Variants in HOXB6 observed in about 807,000 individuals in gnomAD.
The protein encoded by HOXB6 is homeobox B6.
Under a neutral mutation model 24.2 loss-of-function variants are expected in HOXB6, and 18 were observed. The ratio of observed to expected loss-of-function variants is 0.74; its 90% CI spans 0.51 to 1.10. The LOEUF (loss-of-function observed/expected upper bound fraction) is 1.10, where lower values mean the gene tolerates loss of function less well. Ranked by LOEUF, HOXB6 falls within the 50% of genes least tolerant of loss-of-function variation. The probability of loss-of-function intolerance (pLI) is 0.00; values close to 1 mark genes in which losing one functional copy is unlikely to be tolerated. For missense variants in HOXB6, 332 were observed against 308.3 expected (o/e 1.08, Z -0.58); for synonymous variants, 159 against 139.1 (o/e 1.14, Z -1.01).
Position 48,601,754 on chromosome 17 carries a change from A to G in HOXB6, c.-79+2726T>C, listed in dbSNP as rs540500965. The stretch of plus-strand genomic sequence containing the variant: ...TAGCCCTCGGCCAGACTCTGGCAAC[A>G]CCTTGGTTTGCCTGGCACCGCAGGC... On this transcript the variant is annotated intron_variant, in intron 2 of 3. Transcript: ENST00000225648. The G allele has an allele frequency of 3.7e-5, 8 of 214,620 alleles. No homozygotes were observed. The South Asian group carries it at 5.1e-4, about 14-fold the overall frequency. 13.3% of individuals were successfully genotyped at this position (214,620 alleles called of 1,614,324 possible). A position where few individuals can be genotyped will look rare whatever the true frequency, so the allele number is the denominator to read the frequency against.
intron 3 of HOXB6, 59 bp downstream of exon 3, chr17:48,597,677 G>C (rs1288634157): frequency 1.0e-5 from 16 of 1,557,144 alleles, no homozygotes; most frequent in African/African-American, 1.4e-5. Flanking sequence ...CACTAGTTCT[G>C]TGTCCCGGGG....
chr17:48,600,480 G>A (rs536086532), intron 2 of HOXB6: 16 of 456,004 alleles, frequency 3.5e-5, no homozygotes, highest in South Asian at 1.7e-4. Flanking sequence ...ACTACAGGCG[G>A]GCCTGGGCGC....
chr17:48,601,742 G>T, intron 2 of HOXB6: 1 of 205,374 alleles, frequency 4.9e-6, no homozygotes, highest in Non-Finnish European at 1.0e-5. Flanking sequence ...CCCTCGGCCA[G>T]ACTCTGGCAA....
In HOXB6 at chr17:48,596,707, T is replaced by C; in HGVS notation, c.416-35A>G. 1 of 1,606,604 alleles carries C rather than the reference T, an allele frequency of 6.2e-7. No individual in the cohort carries two copies. The highest frequency in any genetic ancestry group is 8.5e-7 in the Non-Finnish European group (1 of 1,179,942). On this transcript the variant is annotated intron_variant, in intron 3 of 3. Transcript: ENST00000225648. This position sits in a 1 kb window ranked among gnomAD's most constrained non-coding sequence, Gnocchi z 4.8. ...AGAGTGGAGATGCTGAGGCCTGCGG[T>C]CACCGGGCCCAGGACCCCCTCCCCT...
intron 2 of HOXB6, 122 bp downstream of exon 2, chr17:48,604,358 G>T (rs976343305): frequency 6.6e-6 from 1 of 152,384 alleles, no homozygotes; most frequent in Non-Finnish European, 1.5e-5. Context: ...TCCCTGCAGC[G>T]CCCAGAGGTG....
chr17:48,596,203 G>T lies in HOXB6; in HGVS notation c.*210C>A. On this transcript the variant is annotated 3_prime_UTR_variant, in exon 4 of 4. Coordinates refer to ENST00000225648, the MANE Select transcript of HOXB6 (RefSeq NM_018952.5). This position sits in a 1 kb window ranked among gnomAD's most constrained non-coding sequence, Gnocchi z 4.8. ...CTCGGGAAGGAAGGGCGCGCGGGATGCTGGGTGGGCTCGAGTAGTGAGGCC... is the reference window on the plus strand; with the variant it reads ...CTCGGGAAGGAAGGGCGCGCGGGATTCTGGGTGGGCTCGAGTAGTGAGGCC... 1 of 743,302 alleles carries T rather than the reference G, an allele frequency of 1.3e-6. No homozygotes were observed. Among genetic ancestry groups the T allele is most frequent in the Non-Finnish European group, 2.4e-6 (1 of 420,456 alleles). 46.0% of individuals were successfully genotyped at this position (743,302 alleles called of 1,614,324 possible).
intron 2 of HOXB6, chr17:48,602,218 G>A (rs1158242100): frequency 2.2e-6 from 1 of 456,130 alleles, no homozygotes; most frequent in Non-Finnish European, 4.4e-6. Context: ...AACCAACCAG[G>A]AGAACACAGA....
chr17:48,602,021 C>T, intron 2 of HOXB6: 1 of 441,410 alleles, frequency 2.3e-6, no homozygotes, highest in South Asian at 1.6e-5. Flanking sequence ...CGGTGTGGTT[C>T]CTTAAGGATT....
At chr17:48,600,598 C>T (rs757841728) in intron 2 of HOXB6, 142 of 452,074 alleles carry the variant, frequency 3.1e-4, no homozygotes, top group Admixed American at 6.6e-4. Context: ...AAAGAGCAGG[C>T]GGGCAGGGCA....
In HOXB6 at chr17:48,596,858, C is replaced by A. The variant is rs576238098; in HGVS notation, c.416-186G>T. ...CCCTCCTAGTCTCCTAGGCCTGTGC[C>A]GTCTGTCTAGACTCTAGATGGGGGA... On this transcript the variant is annotated intron_variant, in intron 3 of 3. Transcript: ENST00000225648. The surrounding 1 kb of genome is among the most constrained non-coding windows in gnomAD (Gnocchi z 4.8). The A allele has an allele frequency of 3.2e-6, 4 of 1,265,686 alleles. No homozygotes were observed. Among genetic ancestry groups the A allele is most frequent in the Non-Finnish European group, 4.3e-6 (4 of 926,568 alleles). 78.4% of individuals were successfully genotyped at this position (1,265,686 alleles called of 1,614,324 possible).
chr17:48,596,547 G>A lies in HOXB6; in HGVS notation c.541C>T (p.His181Tyr), dbSNP rs1358045248. The change falls in exon 4 of 4, where the codon CAC becomes TAC. Residue 181 changes from histidine (H) to tyrosine (Y), a missense_variant. Transcript: ENST00000225648. The surrounding 1 kb of genome is among the most constrained non-coding windows in gnomAD (Gnocchi z 4.8). Reference sequence around the variant, plus strand: ...TGCCTCTCCGTCAGGCACAGGGCGTGCGCGATCTCGATGCGCCGCCGCCGC... The same window carrying A: ...TGCCTCTCCGTCAGGCACAGGGCGTACGCGATCTCGATGCGCCGCCGCCGC... ...LTRRRRIEIA[H>Y]ALCLTERQIK... 1.2e-6 allele frequency: 2 copies of A among 1,614,260 alleles called. No homozygotes were observed. Among genetic ancestry groups the A allele is most frequent in the East Asian group, 2.2e-5 (1 of 44,886 alleles).
Position 48,596,586 on chromosome 17 carries a change from T to C in HOXB6, c.502A>G (p.Asn168Asp). 1 of 1,614,230 alleles carries C rather than the reference T, an allele frequency of 6.2e-7. No homozygotes were observed. The highest frequency in any genetic ancestry group is 8.5e-7 in the Non-Finnish European group (1 of 1,180,048). ...TLELEKEFHY[N>D]RYLTRRRRIE... Reference sequence around the variant, plus strand: ...CGCCGCCGCCGCGTCAGGTAGCGATTGTAGTGAAACTCCTTCTCCAGCTCC... The same window carrying C: ...CGCCGCCGCCGCGTCAGGTAGCGATCGTAGTGAAACTCCTTCTCCAGCTCC... Residue 168 changes from asparagine to aspartate, a missense_variant, in exon 4 of 4, where the codon AAT (asparagine) becomes GAT (aspartate). Asn to Asp is a conservative substitution (Grantham distance 23). Transcript: ENST00000225648. This position sits in a 1 kb window ranked among gnomAD's most constrained non-coding sequence, Gnocchi z 4.8.
At chr17:48,599,913 G>A (rs2070417565) in intron 2 of HOXB6, among the ~76,000 whole-genome samples, 1 of 152,170 alleles carries the variant, frequency 6.6e-6, no homozygotes, top group Admixed American at 6.5e-5. Context: ...AGGGAAGGTG[G>A]CAGGGGACTG....
intron 2 of HOXB6, chr17:48,601,949 C>G (rs1025423317): frequency 5.2e-6 from 2 of 382,068 alleles, no homozygotes; most frequent in Non-Finnish European, 1.0e-5. Flanking sequence ...CTGGCCACCC[C>G]CTCTTGGGAA....
chr17:48,600,144 A>G (rs1433492845), intron 2 of HOXB6, among the ~76,000 whole-genome samples: 1 of 152,198 alleles, frequency 6.6e-6, no homozygotes, highest in African/African-American at 2.4e-5. Context: ...TTCCATATCT[A>G]GGTATGGCTG....
chr17:48,600,991 C>CGTGTGTGTGTGTGT (rs58180060), intron 2 of HOXB6, among the ~76,000 whole-genome samples: 88 of 145,762 alleles, frequency 6.0e-4, no homozygotes, highest in African/African-American at 1.9e-3. Flanking sequence ...GGGATATTTG[C>CGTGTGTGTGTGTGT]GTGTGTGTGT....
chr17:48,597,583 C>T (rs1362324921), intron 3 of HOXB6, 153 bp downstream of exon 3: 3 of 805,744 alleles, frequency 3.7e-6, no homozygotes, highest in Non-Finnish European at 6.1e-6. Flanking sequence ...CAGCGAGAGA[C>T]CCCCGGCCGG....
In HOXB6 at chr17:48,596,698, G is replaced by A; in HGVS notation, c.416-26C>T. ...CTGTTACGCAGAGTGGAGATGCTGAGGCCTGCGGTCACCGGGCCCAGGACC... is the reference window on the plus strand; with the variant it reads ...CTGTTACGCAGAGTGGAGATGCTGAAGCCTGCGGTCACCGGGCCCAGGACC... On this transcript the variant is annotated intron_variant, in intron 3 of 3. Coordinates refer to ENST00000225648, the MANE Select transcript of HOXB6 (RefSeq NM_018952.5). The surrounding 1 kb of genome is among the most constrained non-coding windows in gnomAD (Gnocchi z 4.8). 1 of 1,608,574 alleles carries A rather than the reference G, an allele frequency of 6.2e-7. No individual in the cohort carries two copies. The highest frequency in any genetic ancestry group is 1.7e-4 in the Middle Eastern group (1 of 6,060).
Position 48,598,189 on chromosome 17 carries a change from G to C in HOXB6, c.-39C>G. ...GCGCGCGGCCGCTGCTGCTCCGCCG[G>C]GTTTATGATTTGTTGTGTTTTATAG... is the stretch of plus-strand genomic sequence containing the variant. On this transcript the variant is annotated 5_prime_UTR_variant, in exon 3 of 4. Transcript: ENST00000225648. 1 of 1,528,710 alleles carries C rather than the reference G, an allele frequency of 6.5e-7. No individual in the cohort carries two copies. The highest frequency in any genetic ancestry group is 1.3e-5 in the South Asian group (1 of 78,632). The allele number at this position is 1,528,710 out of a possible 1,614,324, so 94.7% of individuals were successfully genotyped here.
Sources: gnomAD v4.1 joint callset for allele counts (sites outside exome capture counted in the v4.1 genomes callset) on GRCh38, gnomAD v4.1.1 for gene constraint, Gnocchi (gnomAD v3.1) non-coding constraint, MANE v1.5 for transcripts, NCBI Gene and HGNC (gene_info 2026-07-23, HGNC 2026-07-21) for gene names.